The following CDH18 variants were observed in gnomAD, a reference collection of about 807,000 sequenced individuals.
CDH18 encodes the protein cadherin 18.
A neutral mutation model predicts 67.9 loss-of-function variants in CDH18; 31 were observed. That is an observed-to-expected ratio of 0.46 (90% CI 0.34 to 0.62). CDH18 has a LOEUF of 0.62. Among genes scored for constraint, CDH18 ranks in the 20% least tolerant of loss-of-function variants. The pLI, the probability that CDH18 is intolerant of heterozygous loss-of-function variation, is 0.01. For synonymous variants in CDH18, 362 were observed against 347.2 expected, an observed-to-expected ratio of 1.04 and a Z score of -0.48; for missense variants, 890 against 975.5, an observed-to-expected ratio of 0.91 and a Z score of 1.17.
intron 3 of CDH18, among the ~76,000 whole-genome samples, chr5:19,780,031 G>A (rs1206535224): frequency 6.6e-6 from 1 of 152,132 alleles, no homozygotes; most frequent in Admixed American, 6.5e-5. Context: ...GGAAGGGCCT[G>A]TTAATGTCTT....
intron 1 of CDH18, among the ~76,000 whole-genome samples, chr5:20,320,242 A>G (rs974121912): frequency 6.6e-6 from 1 of 152,184 alleles, no homozygotes; most frequent in African/African-American, 2.4e-5. Context: ...CAAGAGCTAC[A>G]AAGACTTTAA....
intron 1 of CDH18, among the ~76,000 whole-genome samples, chr5:20,564,387 C>T (rs922260502): frequency 4.0e-5 from 6 of 151,898 alleles, no homozygotes; most frequent in African/African-American, 9.7e-5. Context: ...AAGCAATTCT[C>T]CTGCCTCAGG....
intron 1 of CDH18, among the ~76,000 whole-genome samples, chr5:20,366,592 A>G (rs149651462): frequency 6.6e-6 from 1 of 152,338 alleles, no homozygotes; most frequent in African/African-American, 2.4e-5. Context: ...TACCTGCCTC[A>G]TAATCATTGG....
At chr5:19,703,050 CGTAAAACTCT>C (rs56823760) in intron 5 of CDH18, among the ~76,000 whole-genome samples, 84,957 of 151,570 alleles carry the variant, frequency 0.56, 26,934 homozygotes, top group East Asian at 0.74. Context: ...TAAATATGTG[CGTAAAACTCT>C]GTTCATGGCT....
chr5:20,077,572 G>A (rs10037550), intron 2 of CDH18, among the ~76,000 whole-genome samples: 149,907 of 152,320 alleles, frequency 0.98, 73,823 homozygotes, highest in Middle Eastern at 1. Flanking sequence ...ACAATGGAAT[G>A]ATAAACCTTT....
chr5:20,487,669 C>T (rs1431084891), intron 1 of CDH18, among the ~76,000 whole-genome samples: 1 of 151,256 alleles, frequency 6.6e-6, no homozygotes, highest in Admixed American at 6.6e-5. Context: ...ATGGGAAGTG[C>T]ATATCCTAAG....
chr5:20,193,730 C>T (rs1352701806), intron 2 of CDH18, among the ~76,000 whole-genome samples: 4 of 152,118 alleles, frequency 2.6e-5, no homozygotes, highest in Admixed American at 2.6e-4. Context: ...AATCCAGCAG[C>T]ACATCAAAAA....
At chr5:20,219,418 T>C (rs1478197173) in intron 2 of CDH18, among the ~76,000 whole-genome samples, 1 of 151,214 alleles carries the variant, frequency 6.6e-6, no homozygotes, top group Non-Finnish European at 1.5e-5. Flanking sequence ...CTAATATCAA[T>C]CTTACTCAAA....
chr5:19,526,197 GA>G (rs1409372052), intron 9 of CDH18, among the ~76,000 whole-genome samples: 6 of 151,978 alleles, frequency 3.9e-5, no homozygotes, highest in African/African-American at 1.4e-4. Flanking sequence ...CTGAGCCTGG[GA>G]AAAAGCAGAA....
At chr5:19,767,248 T>C (rs1469826094) in intron 3 of CDH18, among the ~76,000 whole-genome samples, 1 of 151,908 alleles carries the variant, frequency 6.6e-6, no homozygotes, top group African/African-American at 2.4e-5. Context: ...GCAAAAATAA[T>C]AACATTATAA....
At chr5:19,966,747 T>C (rs1283509012) in intron 2 of CDH18, among the ~76,000 whole-genome samples, 1 of 152,060 alleles carries the variant, frequency 6.6e-6, no homozygotes, top group Non-Finnish European at 1.5e-5. Context: ...TGCGTGCTTA[T>C]TCACCTACAA....
chr5:19,700,227 G>A lies in CDH18; in HGVS notation c.643+21120C>T, dbSNP rs115949796. On this transcript the variant is annotated intron_variant, in intron 5 of 12. Transcript: ENST00000382275. ...ACCAAACTTTATTTGTTTAATAAGAGTATCTGTGCTGTATTCACATGAACC... is the reference window on the plus strand; with the variant it reads ...ACCAAACTTTATTTGTTTAATAAGAATATCTGTGCTGTATTCACATGAACC... 5.0e-3 allele frequency among the ~76,000 whole-genome samples: 761 copies of A among 152,238 alleles called. 3 individuals are homozygous for A. The highest frequency in any genetic ancestry group is 0.018 in the African/African-American group (733 of 41,548).
chr5:19,657,072 A>G (rs2150296106), intron 5 of CDH18, among the ~76,000 whole-genome samples: 1 of 152,242 alleles, frequency 6.6e-6, no homozygotes, highest in East Asian at 1.9e-4. Flanking sequence ...ACATATTAAA[A>G]ATCAAGGTTA....
chr5:20,367,484 G>A (rs1742620453), intron 1 of CDH18, among the ~76,000 whole-genome samples: 1 of 152,066 alleles, frequency 6.6e-6, no homozygotes, highest in South Asian at 2.1e-4. Context: ...TCTAATCCTG[G>A]GCTGCTGGGA....
At chr5:19,544,274 G>A (rs1049045262) in intron 8 of CDH18, among the ~76,000 whole-genome samples, 13 of 151,688 alleles carry the variant, frequency 8.6e-5, no homozygotes, top group Non-Finnish European at 1.6e-4. Flanking sequence ...CAGAAACAGC[G>A]ATTAATAGTG....
chr5:20,414,701 A>G (rs1747131339), intron 1 of CDH18, among the ~76,000 whole-genome samples: 1 of 152,244 alleles, frequency 6.6e-6, no homozygotes, highest in African/African-American at 2.4e-5. Flanking sequence ...AGAAATGGCC[A>G]ACAGGTATGT....
intron 6 of CDH18, among the ~76,000 whole-genome samples, chr5:19,605,388 G>GT (rs1483763650): frequency 6.6e-6 from 1 of 151,670 alleles, no homozygotes; most frequent in East Asian, 1.9e-4. Flanking sequence ...AAAATATTGT[G>GT]TTTCTATGAA....
intron 2 of CDH18, among the ~76,000 whole-genome samples, chr5:20,209,066 T>A (rs74972743): frequency 0.011 from 1,692 of 152,078 alleles, 32 homozygotes; most frequent in African/African-American, 0.038. Context: ...CCATTTCAGT[T>A]AAAAACACTT....
At chr5:20,140,346 T>G (rs1328285838) in intron 2 of CDH18, among the ~76,000 whole-genome samples, 1 of 151,916 alleles carries the variant, frequency 6.6e-6, no homozygotes, top group Non-Finnish European at 1.5e-5. Context: ...AGGGATAACA[T>G]TAGGAGAAAT....
Sources: allele counts gnomAD v4.1 joint callset (sites outside exome capture counted in the v4.1 genomes callset), GRCh38; gene constraint gnomAD v4.1.1; transcripts MANE v1.5; gene names NCBI Gene and HGNC (gene_info 2026-07-23, HGNC 2026-07-21).